The following CNTNAP2 variants were observed in gnomAD, a reference collection of about 807,000 sequenced individuals.
The protein encoded by CNTNAP2 is contactin-associated protein-like 2.
A neutral mutation model predicts 155.2 loss-of-function variants in CNTNAP2; 98 were observed. The observed-to-expected ratio is 0.63, with a 90% CI of 0.54 to 0.75. The LOEUF (loss-of-function observed/expected upper bound fraction) is 0.75. Ranked by LOEUF, CNTNAP2 falls within the 30% of genes least tolerant of loss-of-function variation. The pLI, the probability that CNTNAP2 is intolerant of heterozygous loss-of-function variation, is 0.00. For missense variants in CNTNAP2, 1,727 were observed against 1,688.1 expected (o/e 1.02, Z -0.40); for synonymous variants, 651 against 631.2 (o/e 1.03, Z -0.47).
intron 3 of CNTNAP2, among the ~76,000 whole-genome samples, chr7:147,030,230 A>G (rs1203011062): frequency 6.6e-6 from 1 of 152,192 alleles, no homozygotes; most frequent in African/African-American, 2.4e-5. Context: ...TGTATTTCCT[A>G]TGAAATTTGT....
At chr7:148,399,004 A>C (rs1196476580) in intron 22 of CNTNAP2, among the ~76,000 whole-genome samples, 2 of 152,240 alleles carry the variant, frequency 1.3e-5, no homozygotes, top group African/African-American at 4.8e-5. Context: ...GACTCAGCAA[A>C]CAACCAATTC....
chr7:147,574,870 T>C (rs1800357528), intron 12 of CNTNAP2, among the ~76,000 whole-genome samples: 1 of 152,104 alleles, frequency 6.6e-6, no homozygotes, highest in Non-Finnish European at 1.5e-5. Context: ...GCCACAAGGC[T>C]TAGGAGACCT....
At chr7:146,738,841 GTT>G in intron 1 of CNTNAP2, among the ~76,000 whole-genome samples, 1 of 133,602 alleles carries the variant, frequency 7.5e-6, no homozygotes. Context: ...AAGATTTTCT[GTT>G]TTTTTTTTTT....
At chr7:147,226,506 G>A (rs1803547235) in intron 8 of CNTNAP2, among the ~76,000 whole-genome samples, 1 of 151,140 alleles carries the variant, frequency 6.6e-6, no homozygotes. Context: ...GGAGATCAAT[G>A]AGGAGCATTG....
At position 147,152,722 on chromosome 7, in the gene CNTNAP2, T is replaced by C. The variant is rs1801851494; in HGVS notation, c.1348+20213T>C. ...AAAATAACCAGTTTAGAATGCCTTC[T>C]TATTAGACAAATATATACTGTAAAC... On this transcript the variant is annotated intron_variant, in intron 8 of 23. Coordinates refer to ENST00000361727, the MANE Select transcript of CNTNAP2 (RefSeq NM_014141.6). 2.6e-5 allele frequency among the ~76,000 whole-genome samples: 4 copies of C among 152,184 alleles called. 1 individual carries two copies. The highest frequency in any genetic ancestry group is 2.6e-4 in the Admixed American group (4 of 15,270).
At position 148,198,191 on chromosome 7, in the gene CNTNAP2, C is replaced by T. The variant is rs57122959; in HGVS notation, c.3011-19097C>T. Among the ~76,000 whole-genome samples the T allele has an allele frequency of 7.3e-3, 1,117 of 152,288 alleles. 14 individuals are homozygous for T. The highest frequency in any genetic ancestry group is 0.025 in the African/African-American group (1,047 of 41,560). Reference sequence around the variant, plus strand: ...GGCTGCCTGCTACCCAGAGCCACCACCCCCCATGGCAGCAGATCACAGCCC... The same window carrying T: ...GGCTGCCTGCTACCCAGAGCCACCATCCCCCATGGCAGCAGATCACAGCCC... On this transcript the variant is annotated intron_variant, in intron 18 of 23. Coordinates refer to ENST00000361727, the MANE Select transcript of CNTNAP2 (RefSeq NM_014141.6).
chr7:147,522,799 A>T (rs1410958665), intron 11 of CNTNAP2, among the ~76,000 whole-genome samples: 1 of 151,884 alleles, frequency 6.6e-6, no homozygotes, highest in African/African-American at 2.4e-5. Flanking sequence ...AAAAAAAAAA[A>T]ACCTACTAAA....
intron 1 of CNTNAP2, among the ~76,000 whole-genome samples, chr7:146,246,125 T>G (rs149384735): frequency 0.044 from 6,696 of 151,262 alleles, 290 homozygotes; most frequent in African/African-American, 0.11. Flanking sequence ...CTATGGGATG[T>G]GATATTGGCA....
chr7:147,752,944 A>G (rs931126135), intron 13 of CNTNAP2, among the ~76,000 whole-genome samples: 1 of 152,198 alleles, frequency 6.6e-6, no homozygotes, highest in Non-Finnish European at 1.5e-5. Flanking sequence ...CTGCATTCGT[A>G]TCCTGCTGTC....
chr7:146,151,635 GATATATATATATATAT>G (rs1226681385), intron 1 of CNTNAP2, among the ~76,000 whole-genome samples: 14 of 36,406 alleles, frequency 3.8e-4, no homozygotes, highest in Non-Finnish European at 4.4e-4. Flanking sequence ...AAGAAAACGT[GATATATATATATATAT>G]ATATATATAT....
chr7:147,389,484 TATC>T (rs1453720166), intron 9 of CNTNAP2, among the ~76,000 whole-genome samples: 1 of 152,216 alleles, frequency 6.6e-6, no homozygotes, highest in Non-Finnish European at 1.5e-5. Context: ...TCAAAACAAA[TATC>T]AGCAAGTTTT....
Position 147,755,766 on chromosome 7 carries a change from A to G in CNTNAP2, c.2098+116460A>G, listed in dbSNP as rs1383251185. On this transcript the variant is annotated intron_variant, in intron 13 of 23. Coordinates refer to ENST00000361727, the MANE Select transcript of CNTNAP2 (RefSeq NM_014141.6). Reference sequence around the variant, plus strand: ...TGGTTCCTATGCTTAGAAAGATCCCACATCTGGTTTAGTGCTGTGCTGTTG... The same window carrying G: ...TGGTTCCTATGCTTAGAAAGATCCCGCATCTGGTTTAGTGCTGTGCTGTTG... 2.6e-5 allele frequency among the ~76,000 whole-genome samples: 4 copies of G among 152,328 alleles called. No individual in the cohort carries two copies. The East Asian group carries it at 7.7e-4, about 29-fold the overall frequency.
intron 11 of CNTNAP2, among the ~76,000 whole-genome samples, chr7:147,553,332 C>G (rs1020504192): frequency 5.3e-5 from 8 of 152,140 alleles, no homozygotes; most frequent in African/African-American, 1.9e-4. Context: ...GATCTCAGGA[C>G]AAGCATGGAA....
At chr7:147,630,774 C>G (rs146786696) in intron 12 of CNTNAP2, among the ~76,000 whole-genome samples, 37 of 152,214 alleles carry the variant, frequency 2.4e-4, no homozygotes, top group East Asian at 2.3e-3. Flanking sequence ...GTCCAGCATC[C>G]CTTTACGAAT....
At chr7:147,666,908 C>A (rs1471480261) in intron 13 of CNTNAP2, among the ~76,000 whole-genome samples, 4 of 152,150 alleles carry the variant, frequency 2.6e-5, no homozygotes, top group African/African-American at 9.7e-5. Context: ...CTGAAAAGAT[C>A]TTCTTCATTG....
intron 1 of CNTNAP2, among the ~76,000 whole-genome samples, chr7:146,248,277 GT>G (rs1017435622): frequency 6.6e-6 from 1 of 151,866 alleles, no homozygotes; most frequent in African/African-American, 2.4e-5. Context: ...GGGGTTGGGG[GT>G]TTCTTGCCCC....
At chr7:147,991,554 A>C (rs1801710952) in intron 15 of CNTNAP2, among the ~76,000 whole-genome samples, 1 of 152,236 alleles carries the variant, frequency 6.6e-6, no homozygotes, top group South Asian at 2.1e-4. Flanking sequence ...AAATCCCTTG[A>C]ATCTGATGAT....
chr7:147,577,590 G>T (rs1245346823), intron 12 of CNTNAP2, among the ~76,000 whole-genome samples: 2 of 151,908 alleles, frequency 1.3e-5, no homozygotes, highest in East Asian at 1.9e-4. Context: ...CTTCTATTGG[G>T]GTGGCAGGAG....
At chr7:147,662,849 C>A (rs1795635604) in intron 13 of CNTNAP2, among the ~76,000 whole-genome samples, 1 of 152,204 alleles carries the variant, frequency 6.6e-6, no homozygotes, top group Non-Finnish European at 1.5e-5. Context: ...CGAAAGCCGA[C>A]AGACTACATT....
Sources: gnomAD v4.1 joint callset for allele counts (sites outside exome capture counted in the v4.1 genomes callset) on GRCh38, gnomAD v4.1.1 for gene constraint, MANE v1.5 for transcripts, NCBI Gene and HGNC (gene_info 2026-07-23, HGNC 2026-07-21) for gene names.